The following NBEA variants were observed in gnomAD, a reference collection of about 807,000 sequenced individuals.
NBEA encodes the protein lysosomal-trafficking regulator 2.
In NBEA, 44 loss-of-function variants were observed where a neutral mutation model predicts 343.4. The ratio of observed to expected loss-of-function variants is 0.13; its 90% CI spans 0.10 to 0.16. NBEA has a LOEUF of 0.16. Among genes scored for constraint, NBEA ranks in the 10% least tolerant of loss-of-function variants. The pLI is 1.00. For synonymous variants in NBEA, 1,175 were observed against 1,238.7 expected (o/e 0.95, Z 1.08); for missense variants, 2,555 against 3,631.3 (o/e 0.70, Z 7.62).
chr13:35,164,282 C>A, intron 23 of NBEA, 74 bp from the exon 24 acceptor site: 2 of 1,311,446 alleles, frequency 1.5e-6, no homozygotes, highest in Non-Finnish European at 2.0e-6. Flanking sequence ...TAATTTTTCA[C>A]TTGTTATTCT....
At chr13:35,421,886 T>C (rs986697471) in intron 38 of NBEA, among the ~76,000 whole-genome samples, 1 of 152,110 alleles carries the variant, frequency 6.6e-6, no homozygotes, top group East Asian at 1.9e-4. Flanking sequence ...ATTGTCATTC[T>C]GTTTTACTTC....
At chr13:35,078,953 C>T (rs2064246453) in intron 10 of NBEA, among the ~76,000 whole-genome samples, 3 of 151,842 alleles carry the variant, frequency 2.0e-5, no homozygotes, top group Admixed American at 6.6e-5. Context: ...ACCCGGGAGG[C>T]GGAGGTTGCA....
intron 40 of NBEA, among the ~76,000 whole-genome samples, chr13:35,455,452 G>C (rs1275012703): frequency 1.3e-5 from 2 of 151,350 alleles, no homozygotes; most frequent in East Asian, 1.9e-4. Context: ...AGTACTAGGA[G>C]CCAGACATCA....
chr13:35,146,478 C>A (rs2068433420), intron 18 of NBEA, among the ~76,000 whole-genome samples: 1 of 152,110 alleles, frequency 6.6e-6, no homozygotes, highest in African/African-American at 2.4e-5. Context: ...AACGTTGGGT[C>A]CCTTCAGTCC....
chr13:35,398,909 AG>A (rs2042871211), intron 38 of NBEA, among the ~76,000 whole-genome samples: 2 of 152,264 alleles, frequency 1.3e-5, no homozygotes, highest in Admixed American at 6.5e-5. Context: ...TGAAAGTCCT[AG>A]GTGACATTTT....
chr13:35,655,126 C>G (rs2084754696), intron 54 of NBEA, 116 bp downstream of exon 54: 3 of 777,418 alleles, frequency 3.9e-6, no homozygotes, highest in South Asian at 3.4e-5. Context: ...CTTGAGTAGT[C>G]AAGATTCAAA....
intron 41 of NBEA, among the ~76,000 whole-genome samples, chr13:35,540,829 A>G (rs2078787931): frequency 6.6e-6 from 1 of 152,208 alleles, no homozygotes; most frequent in Admixed American, 6.5e-5. Flanking sequence ...AATGTAAGAG[A>G]TGCTATTGGA....
chr13:35,188,213 G>A (rs2071869683), intron 30 of NBEA, among the ~76,000 whole-genome samples: 1 of 150,966 alleles, frequency 6.6e-6, no homozygotes, highest in Admixed American at 6.6e-5. Flanking sequence ...GAATGATTAA[G>A]TCAAGCTAAT....
At chr13:35,455,831 G>C (rs1346686506) in intron 40 of NBEA, among the ~76,000 whole-genome samples, 1 of 151,948 alleles carries the variant, frequency 6.6e-6, no homozygotes, top group Non-Finnish European at 1.5e-5. Flanking sequence ...TAAGAAGTAG[G>C]CAAAATAATA....
rs892787444 is a variant in NBEA at position 35,654,861 on chromosome 13, A to G, written c.8042A>G (p.Asn2681Ser). The G allele has an allele frequency of 2.5e-6, 4 of 1,569,298 alleles. No individual in the cohort carries two copies. The highest frequency in any genetic ancestry group is 3.4e-6 in the Non-Finnish European group (4 of 1,165,036). The change falls in exon 54 of 59, where the codon AAT becomes AGT. Residue 2681 changes from asparagine to serine, a missense_variant. Physicochemically the swap from Asn to Ser is conservative, Grantham distance 46 (BLOSUM62 1). Coordinates refer to ENST00000379939, the MANE Select transcript of NBEA (RefSeq NM_001385012.1). ...TTTTTCCATTTACTTTTAGCCAATA[A>G]TTCAGGTGTAAACAAACGGCAGATC... ...PIEMDPLIAN[N>S]SGVNKRQITD...
intron 7 of NBEA, among the ~76,000 whole-genome samples, chr13:35,057,024 A>G (rs2152566607): frequency 6.6e-6 from 1 of 152,268 alleles, no homozygotes; most frequent in East Asian, 1.9e-4. Flanking sequence ...GAATAACTAG[A>G]ATCAAAACCT....
chr13:35,103,305 C>T (rs1490596140), intron 11 of NBEA, among the ~76,000 whole-genome samples: 4 of 151,728 alleles, frequency 2.6e-5, no homozygotes, highest in Non-Finnish European at 5.9e-5. Flanking sequence ...CCTTCATAAT[C>T]TGTCCTGTGA....
chr13:35,368,479 T>C (rs528687926), intron 38 of NBEA, among the ~76,000 whole-genome samples: 1 of 151,850 alleles, frequency 6.6e-6, no homozygotes, highest in Admixed American at 6.6e-5. Flanking sequence ...CTATCTCTAT[T>C]CTGTCCCACT....
chr13:35,236,544 T>A (rs1197991370), intron 34 of NBEA, among the ~76,000 whole-genome samples: 2 of 152,124 alleles, frequency 1.3e-5, no homozygotes, highest in Non-Finnish European at 1.5e-5. Context: ...CCTTCTGGGT[T>A]CACGCCATTC....
intron 41 of NBEA, among the ~76,000 whole-genome samples, chr13:35,535,556 G>A (rs1197658045): frequency 6.6e-6 from 1 of 152,126 alleles, no homozygotes; most frequent in African/African-American, 2.4e-5. Flanking sequence ...CTGGGTAGGG[G>A]AGGATCGTGA....
rs373339843 is a variant in NBEA at position 35,420,841 on chromosome 13, TC to T, written c.6180-11424del. Among the ~76,000 whole-genome samples the T allele has an allele frequency of 3.9e-4, 60 of 152,066 alleles. No homozygotes were observed. In the East Asian group the frequency reaches 0.01, roughly 26 times the overall value. On this transcript the variant is annotated intron_variant, in intron 38 of 58. Coordinates refer to ENST00000379939, the MANE Select transcript of NBEA (RefSeq NM_001385012.1). Reference sequence around the variant, plus strand: ...GATGTCTTCAGAGTCACTAGTGATATCCCCTTTTTCATTCCTGATATTGGTA... The same window carrying T: ...GATGTCTTCAGAGTCACTAGTGATATCCCTTTTTCATTCCTGATATTGGTA...
chr13:35,538,379 AG>A (rs1373758456), intron 41 of NBEA, among the ~76,000 whole-genome samples: 2 of 152,228 alleles, frequency 1.3e-5, no homozygotes, highest in African/African-American at 4.8e-5. Context: ...CCATGTGGAC[AG>A]TCTGTGGTTA....
chr13:35,443,726 G>A (rs887641102), intron 39 of NBEA, among the ~76,000 whole-genome samples: 4 of 151,796 alleles, frequency 2.6e-5, no homozygotes, highest in African/African-American at 9.7e-5. Context: ...CTCAGTATCA[G>A]GTATAAAAGA....
At chr13:35,464,933 G>C (rs2152954348) in intron 40 of NBEA, among the ~76,000 whole-genome samples, 1 of 152,182 alleles carries the variant, frequency 6.6e-6, no homozygotes, top group East Asian at 1.9e-4. Flanking sequence ...ATGAATGAAT[G>C]CTGAATTAAA....
Sources: allele counts gnomAD v4.1 joint callset (sites outside exome capture counted in the v4.1 genomes callset), GRCh38; gene constraint gnomAD v4.1.1; transcripts MANE v1.5; gene names NCBI Gene and HGNC (gene_info 2026-07-23, HGNC 2026-07-21).